Variants in GSDME observed in about 807,000 individuals in gnomAD.
GSDME encodes gasdermin-E.
GSDME carries 44 observed loss-of-function variants against 47.5 expected under a neutral mutation model. The observed-to-expected ratio is 0.93, with a 90% CI of 0.73 to 1.19. The LOEUF is 1.19. Ranked by LOEUF, GSDME falls within the 50% of genes most tolerant of loss-of-function variation. The pLI is 0.00. For missense variants in GSDME, 663 were observed against 604.2 expected (o/e 1.10, Z -1.02); for synonymous variants, 258 against 252.8 (o/e 1.02, Z -0.20).
At position 24,701,003 on chromosome 7, in the gene GSDME, C is replaced by G. The variant is rs539768588; in HGVS notation, c.1258-1744G>C. ...GTGAAGTTAACATTCTCTACTGATT[C>G]TAACTCACCCTTTCACCAGTTCTTG... On this transcript the variant is annotated intron_variant, in intron 9 of 9. Coordinates refer to ENST00000645220, the MANE Select transcript of GSDME (RefSeq NM_001127453.2). Among the ~76,000 whole-genome samples, 6 of 152,312 alleles carry G rather than the reference C, an allele frequency of 3.9e-5. 1 individual carries two copies. The South Asian group carries it at 1.2e-3, about 32-fold the overall frequency.
chr7:24,734,849 G>T (rs80195870), intron 3 of GSDME, among the ~76,000 whole-genome samples: 13,749 of 152,236 alleles, frequency 0.09, 806 homozygotes, highest in Admixed American at 0.15. Context: ...GCCTTAAAGA[G>T]GAAGGAGAGA....
chr7:24,751,379 C>T (rs888846469), intron 1 of GSDME, among the ~76,000 whole-genome samples: 2 of 152,200 alleles, frequency 1.3e-5, no homozygotes, highest in Non-Finnish European at 1.5e-5. Context: ...TGCACCCTGG[C>T]GCTTGGCACA....
the GSDME span, among the ~76,000 whole-genome samples, chr7:24,782,264 T>C: frequency 7.2e-6 from 1 of 138,586 alleles, no homozygotes; most frequent in Non-Finnish European, 1.5e-5. Flanking sequence ...CCCCTTCCTA[T>C]GTCCAAGTGT....
intron 1 of GSDME, among the ~76,000 whole-genome samples, chr7:24,753,482 G>A (rs972409231): frequency 1.3e-5 from 2 of 152,140 alleles, no homozygotes; most frequent in Admixed American, 6.5e-5. Flanking sequence ...TACCCCATAC[G>A]GATGTCCTCT....
intron 8 of GSDME, chr7:24,704,866 T>G (rs1006807127): frequency 2.0e-5 from 3 of 152,168 alleles, no homozygotes; most frequent in African/African-American, 7.2e-5. Context: ...TAATTTATTT[T>G]TTGTACAGAT....
At chr7:24,781,000 C>T in the GSDME span, among the ~76,000 whole-genome samples, 3 of 152,234 alleles carry the variant, frequency 2.0e-5, no homozygotes, top group African/African-American at 7.2e-5. This position sits in a 1 kb window ranked among gnomAD's most constrained non-coding sequence, Gnocchi z 4.1. Context: ...TTTTGGGAAA[C>T]ACTGGCGTGG....
chr7:24,771,406 G>A, the GSDME span, among the ~76,000 whole-genome samples: 1 of 152,158 alleles, frequency 6.6e-6, no homozygotes, highest in African/African-American at 2.4e-5. This position sits in a 1 kb window ranked among gnomAD's most constrained non-coding sequence, Gnocchi z 4.1. Flanking sequence ...ATCATATTGT[G>A]TTATGTTAGT....
intron 8 of GSDME, chr7:24,704,736 T>C (rs28391065): frequency 0.062 from 9,460 of 151,836 alleles, 351 homozygotes; most frequent in African/African-American, 0.093. Flanking sequence ...TTTTTTTTTT[T>C]CCAAGCTGGA....
the GSDME span, among the ~76,000 whole-genome samples, chr7:24,775,608 T>C: frequency 6.6e-6 from 1 of 152,108 alleles, no homozygotes; most frequent in African/African-American, 2.4e-5. Flanking sequence ...GGCTCACGCC[T>C]GTAATCCCAG....
rs1187627634 is a variant in GSDME at position 24,735,045 on chromosome 7, A to C, written c.404+9517T>G. 1.3e-5 allele frequency among the ~76,000 whole-genome samples: 2 copies of C among 152,238 alleles called. No individual in the cohort carries two copies. The highest frequency in any genetic ancestry group is 2.9e-5 in the Non-Finnish European group (2 of 68,042). Reference sequence around the variant, plus strand: ...TCAAGGATAAAGAAAGGATCCTAAAAGCAGCAAGAAACTAACTGCATACAA... The same window carrying C: ...TCAAGGATAAAGAAAGGATCCTAAACGCAGCAAGAAACTAACTGCATACAA... On this transcript the variant is annotated intron_variant, in intron 3 of 9. Coordinates refer to ENST00000645220, the MANE Select transcript of GSDME (RefSeq NM_001127453.2). This position sits in a 1 kb window ranked among gnomAD's most constrained non-coding sequence, Gnocchi z 4.4.
At chr7:24,774,259 C>CCTTT in the GSDME span, among the ~76,000 whole-genome samples, 7 of 33,324 alleles carry the variant, frequency 2.1e-4, no homozygotes, top group Non-Finnish European at 3.2e-4. Context: ...CTCCCTCCCT[C>CCTTT]CCTTCTTCCC....
At chr7:24,710,547 C>G (rs1009237156) in intron 5 of GSDME, 159 bp from the exon 6 acceptor site, 1 of 670,142 alleles carries the variant, frequency 1.5e-6, no homozygotes, top group Non-Finnish European at 2.6e-6. Context: ...TCCCTACACA[C>G]ATTATGTTGC....
the GSDME span, among the ~76,000 whole-genome samples, chr7:24,794,911 G>C: frequency 6.6e-6 from 1 of 152,182 alleles, no homozygotes; most frequent in African/African-American, 2.4e-5. Flanking sequence ...AGCCAAGTCA[G>C]AACCGAAATC....
In GSDME at chr7:24,710,209, C is replaced by G; in HGVS notation, c.862+15G>C. ...GGCCCTCAACTGCCCACTACTCCTG[C>G]CCTGCTGGCAATACCTTGCTTTAAA... On this transcript the variant is annotated intron_variant, in intron 6 of 9. Coordinates refer to ENST00000645220, the MANE Select transcript of GSDME (RefSeq NM_001127453.2). 1 of 1,612,934 alleles carries G rather than the reference C, an allele frequency of 6.2e-7. No individual in the cohort carries two copies. Among genetic ancestry groups the G allele is most frequent in the Non-Finnish European group, 8.5e-7 (1 of 1,179,982 alleles).
At position 24,712,790 on chromosome 7, in the gene GSDME, G is replaced by A. The variant is rs895171611; in HGVS notation, c.698-2402C>T. Among the ~76,000 whole-genome samples, 1 of 152,160 alleles carries A rather than the reference G, an allele frequency of 6.6e-6. No individual in the cohort carries two copies. Among genetic ancestry groups the A allele is most frequent in the Non-Finnish European group, 1.5e-5 (1 of 68,034 alleles). ...TCCTAACACTTTGGGAGGTCGAGGC[G>A]GGCGGATCACCTGAGGTCAGGAGTT... On this transcript the variant is annotated intron_variant, in intron 5 of 9. Transcript: ENST00000645220. This position sits in a 1 kb window ranked among gnomAD's most constrained non-coding sequence, Gnocchi z 4.4.
In GSDME at chr7:24,726,589, C is replaced by T. The variant is rs1010225953; in HGVS notation, c.405-7371G>A. Among the ~76,000 whole-genome samples, 3 of 152,050 alleles carry T rather than the reference C, an allele frequency of 2.0e-5. No homozygotes were observed. The highest frequency in any genetic ancestry group is 4.4e-5 in the Non-Finnish European group (3 of 68,002). On this transcript the variant is annotated intron_variant, in intron 3 of 9. Coordinates refer to ENST00000645220, the MANE Select transcript of GSDME (RefSeq NM_001127453.2). The surrounding 1 kb of genome is among the most constrained non-coding windows in gnomAD (Gnocchi z 5.6). Reference sequence around the variant, plus strand: ...CTGTTATCCCAGCACTTTGGGAGGCCGAGGCGGGCGGATCACGAGGTCAGG... The same window carrying T: ...CTGTTATCCCAGCACTTTGGGAGGCTGAGGCGGGCGGATCACGAGGTCAGG...
chr7:24,713,212 A>C (rs190050809), intron 5 of GSDME, among the ~76,000 whole-genome samples: 1 of 152,316 alleles, frequency 6.6e-6, no homozygotes, highest in East Asian at 1.9e-4. Flanking sequence ...CCAGGAACTC[A>C]GCAAGGCCTG....
rs1257861420 is a variant in GSDME at position 24,721,688 on chromosome 7, A to T, written c.405-2470T>A. ...TATGAGGCTCACAAAACAAAGCCAC[A>T]GTGTGTGCCCTGCATGGGAATTATG... On this transcript the variant is annotated intron_variant, in intron 3 of 9. Coordinates refer to ENST00000645220, the MANE Select transcript of GSDME (RefSeq NM_001127453.2). The surrounding 1 kb of genome is among the most constrained non-coding windows in gnomAD (Gnocchi z 4.1). Among the ~76,000 whole-genome samples, 3 of 152,226 alleles carry T rather than the reference A, an allele frequency of 2.0e-5. No homozygotes were observed. The highest frequency in any genetic ancestry group is 2.0e-4 in the Admixed American group (3 of 15,288).
Position 24,721,867 on chromosome 7 carries a change from C to A in GSDME, c.405-2649G>T, listed in dbSNP as rs902678295. 6.6e-6 allele frequency among the ~76,000 whole-genome samples: 1 copy of A among 152,206 alleles called. No homozygotes were observed. Among genetic ancestry groups the A allele is most frequent in the African/African-American group, 2.4e-5 (1 of 41,460 alleles). On this transcript the variant is annotated intron_variant, in intron 3 of 9. Coordinates refer to ENST00000645220, the MANE Select transcript of GSDME (RefSeq NM_001127453.2). This position sits in a 1 kb window ranked among gnomAD's most constrained non-coding sequence, Gnocchi z 4.1. Reference sequence around the variant, plus strand: ...TTTATCTTCCAGCCTTCTTACTACTCCTTAAAAATGCCAGGTGTGTGCCTA... The same window carrying A: ...TTTATCTTCCAGCCTTCTTACTACTACTTAAAAATGCCAGGTGTGTGCCTA...
Sources: allele counts gnomAD v4.1 joint callset (sites outside exome capture counted in the v4.1 genomes callset), GRCh38; gene constraint gnomAD v4.1.1; non-coding constraint Gnocchi (gnomAD v3.1); transcripts MANE v1.5; gene names NCBI Gene and HGNC (gene_info 2026-07-23, HGNC 2026-07-21).